The following CELF2 variants were observed in gnomAD, a reference collection of about 807,000 sequenced individuals.
CELF2 encodes CUGBP Elav-like family member 2, also known as CUG triplet repeat RNA-binding protein 2.
Under a neutral mutation model 62.6 loss-of-function variants are expected in CELF2, and 8 were observed. The observed-to-expected ratio is 0.13, with a 90% CI of 0.07 to 0.23. CELF2 has a LOEUF of 0.23. CELF2 is among the 10% of genes least tolerant of loss of function. CELF2 has a pLI of 1.00. For missense variants in CELF2, 333 were observed against 671.0 expected, an observed-to-expected ratio of 0.50 and a Z score of 5.56; for synonymous variants, 258 against 250.0, an observed-to-expected ratio of 1.03 and a Z score of -0.30.
chr10:10,611,379 CTT>C, the CELF2 span, among the ~76,000 whole-genome samples: 1 of 152,126 alleles, frequency 6.6e-6, no homozygotes, highest in Non-Finnish European at 1.5e-5. Context: ...TTATATTTGA[CTT>C]TTTCATTTTT....
intron 1 of CELF2, among the ~76,000 whole-genome samples, chr10:11,032,927 A>C (rs2060352374): frequency 6.6e-6 from 1 of 152,240 alleles, no homozygotes; most frequent in Non-Finnish European, 1.5e-5. Flanking sequence ...CATAAATGAT[A>C]AACTCAAATG....
chr10:10,984,992 A>G (rs1471156650), intron 2 of CELF2, among the ~76,000 whole-genome samples: 1 of 152,184 alleles, frequency 6.6e-6, no homozygotes, highest in East Asian at 1.9e-4. Flanking sequence ...CTATTGACGA[A>G]TGTTTCACAT....
intron 1 of CELF2, among the ~76,000 whole-genome samples, chr10:11,134,294 C>G (rs764782812): frequency 1.3e-4 from 20 of 152,180 alleles, no homozygotes; most frequent in Admixed American, 1.3e-3. Flanking sequence ...GTGAATCTAA[C>G]GTTACTACTT....
At chr10:10,520,886 G>T in the CELF2 span, among the ~76,000 whole-genome samples, 5 of 151,860 alleles carry the variant, frequency 3.3e-5, no homozygotes, top group Admixed American at 2.6e-4. Flanking sequence ...AGCATATGGG[G>T]GAAAAAAAGG....
At chr10:10,553,549 GAGAC>G in the CELF2 span, among the ~76,000 whole-genome samples, 1 of 152,164 alleles carries the variant, frequency 6.6e-6, no homozygotes, top group South Asian at 2.1e-4. Flanking sequence ...ATGCCAGAGA[GAGAC>G]AGACAAAGAG....
the CELF2 span, among the ~76,000 whole-genome samples, chr10:10,548,356 C>T: frequency 6.6e-6 from 1 of 152,200 alleles, no homozygotes; most frequent in Non-Finnish European, 1.5e-5. Context: ...TCAAATTCAA[C>T]CTTATGCTCC....
Position 11,223,774 on chromosome 10 carries a change from G to A in CELF2, c.354+6267G>A, listed in dbSNP as rs2065624851. 6.6e-6 allele frequency among the ~76,000 whole-genome samples: 1 copy of A among 152,196 alleles called. No individual in the cohort carries two copies. Among genetic ancestry groups the A allele is most frequent in the African/African-American group, 2.4e-5 (1 of 41,446 alleles). ...CAACAGGATGGCTCCCAGCTGAGCG[G>A]TATAGATCCAGGAGAGGATATCGGA... On this transcript the variant is annotated intron_variant, in intron 3 of 12. Transcript: ENST00000633077. This position sits in a 1 kb window ranked among gnomAD's most constrained non-coding sequence, Gnocchi z 5.1.
At chr10:11,149,679 T>C (rs2062957943) in intron 1 of CELF2, among the ~76,000 whole-genome samples, 2 of 152,180 alleles carry the variant, frequency 1.3e-5, no homozygotes, top group Non-Finnish European at 2.9e-5. Context: ...CTCATGTTCC[T>C]GTGTGCTGAG....
intron 11 of CELF2, among the ~76,000 whole-genome samples, chr10:11,323,729 A>G (rs1284149466): frequency 2.0e-5 from 3 of 152,180 alleles, no homozygotes; most frequent in African/African-American, 7.2e-5. Flanking sequence ...TGTAACAGAG[A>G]ATCTAACAAG....
At chr10:10,705,129 T>C in the CELF2 span, among the ~76,000 whole-genome samples, 1 of 152,070 alleles carries the variant, frequency 6.6e-6, no homozygotes, top group Non-Finnish European at 1.5e-5. Flanking sequence ...GAGGCTGCAG[T>C]GAGCTGTGAT....
the CELF2 span, among the ~76,000 whole-genome samples, chr10:10,582,073 G>A: frequency 1.1e-4 from 16 of 152,132 alleles, no homozygotes; most frequent in South Asian, 1.7e-3. Flanking sequence ...CTGTCTAGCC[G>A]GAGCAAGATT....
In CELF2 at chr10:10,881,262, T is replaced by C. The variant is rs534548079; in HGVS notation, c.54-38702T>C. Among the ~76,000 whole-genome samples the C allele has an allele frequency of 3.3e-5, 5 of 152,310 alleles. No individual in the cohort carries two copies. The South Asian group carries it at 8.3e-4, about 25-fold the overall frequency. ...TACATTTTCAGAACTGGTGCATGGA[T>C]GGTATATTTTGAGAGACCTCGCATG... On this transcript the variant is annotated intron_variant, in intron 1 of 13. Coordinates refer to the CELF2 transcript ENST00000636488.
the CELF2 span, among the ~76,000 whole-genome samples, chr10:10,741,365 G>T: frequency 2.0e-5 from 3 of 151,878 alleles, no homozygotes; most frequent in African/African-American, 7.3e-5. Context: ...ACAAAAATTA[G>T]CTGGGCGTGG....
At chr10:11,212,717 G>A (rs117996314) in intron 2 of CELF2, among the ~76,000 whole-genome samples, 329 of 145,630 alleles carry the variant, frequency 2.3e-3, no homozygotes, top group Non-Finnish European at 3.2e-3. Context: ...GAAGAAGGAT[G>A]GTGTTTTTTT....
chr10:10,491,278 G>C, the CELF2 span, among the ~76,000 whole-genome samples: 2 of 152,090 alleles, frequency 1.3e-5, no homozygotes, highest in Non-Finnish European at 2.9e-5. Context: ...ACTTCATCCA[G>C]ACACACTGAA....
chr10:10,685,112 C>A, the CELF2 span, among the ~76,000 whole-genome samples: 3 of 152,008 alleles, frequency 2.0e-5, no homozygotes, highest in Admixed American at 2.0e-4. Flanking sequence ...AGCAGGTAAA[C>A]CCTATGCTTA....
chr10:11,131,365 A>G (rs1223985843), intron 1 of CELF2, among the ~76,000 whole-genome samples: 2 of 152,164 alleles, frequency 1.3e-5, no homozygotes, highest in African/African-American at 4.8e-5. Context: ...AGGTGCCGTG[A>G]TGTTTCTGTA....
chr10:11,063,633 T>C (rs1254471702), intron 1 of CELF2, among the ~76,000 whole-genome samples: 1 of 152,232 alleles, frequency 6.6e-6, no homozygotes, highest in African/African-American at 2.4e-5. Context: ...CATATCCTTT[T>C]GAAGTGTTAC....
the CELF2 span, among the ~76,000 whole-genome samples, chr10:10,696,153 G>T: frequency 6.6e-6 from 1 of 152,086 alleles, no homozygotes; most frequent in Non-Finnish European, 1.5e-5. Flanking sequence ...TTTGGTCTTT[G>T]ATGATGGTGA....
Sources: allele counts gnomAD v4.1 joint callset (sites outside exome capture counted in the v4.1 genomes callset), GRCh38; gene constraint gnomAD v4.1.1; non-coding constraint Gnocchi (gnomAD v3.1); transcripts MANE v1.5; gene names NCBI Gene and HGNC (gene_info 2026-07-23, HGNC 2026-07-21).